Variants in ASPM observed in about 807,000 individuals in gnomAD.
ASPM encodes assembly factor for spindle microtubules, also known as abnormal spindle-like microcephaly-associated protein.
Under a neutral mutation model 366.4 loss-of-function variants are expected in ASPM, and 256 were observed. That is an observed-to-expected ratio of 0.70 (90% confidence interval 0.63 to 0.77). ASPM has a LOEUF of 0.77. ASPM is among the 30% of genes least tolerant of loss of function. The pLI is 0.00. For missense variants in ASPM, 4,146 were observed against 4,090.4 expected (o/e 1.01, Z -0.37); for synonymous variants, 1,414 against 1,342.9 (o/e 1.05, Z -1.16).
At position 197,102,518 on chromosome 1, in the gene ASPM, A is replaced by G. The variant is rs768050425; in HGVS notation, c.6733T>C (p.Tyr2245His). The change falls in exon 18 of 28, where the codon TAC becomes CAC. Residue 2245 changes from tyrosine (Y) to histidine (H), a missense_variant. Around this residue, in one of 3 missense-constraint regions of ASPM, gnomAD observed 3,624 missense variants for 3,591.7 expected, o/e 1.01. Coordinates refer to ENST00000367409, the MANE Select transcript of ASPM (RefSeq NM_018136.5). ...TTTCCCCTAAAAATAGCCTGAATGT[A>G]TATTACAGAATGCCTCAGTTTGTTA... ...RYNKLRHSVI[Y>H]IQAIFRGKKA... The G allele has an allele frequency of 1.2e-5, 20 of 1,612,612 alleles. No homozygotes were observed. In the East Asian group the frequency reaches 2.0e-4, roughly 16 times the overall value.
intron 13 of ASPM, among the ~76,000 whole-genome samples, chr1:197,123,804 A>G (rs1404975068): frequency 6.6e-6 from 1 of 152,104 alleles, no homozygotes; most frequent in Non-Finnish European, 1.5e-5. Context: ...ATGTGGGCTT[A>G]TTTGAATTGA....
chr1:197,128,904 G>A (rs1658176202), intron 9 of ASPM, among the ~76,000 whole-genome samples: 1 of 151,754 alleles, frequency 6.6e-6, no homozygotes, highest in Admixed American at 6.6e-5. Flanking sequence ...TCAAAATTAG[G>A]GAAGAAATTT....
rs1049043449 is a variant in ASPM, at chr1:197,084,302, A to T, written c.*22T>A. On this transcript the variant is annotated 3_prime_UTR_variant, in exon 28 of 28. Transcript: ENST00000367409. ...GCTTTAATATTTCTTTACACTATACATACTGAAAATGTTTACATTTACTAA... is the reference window on the plus strand; with the variant it reads ...GCTTTAATATTTCTTTACACTATACTTACTGAAAATGTTTACATTTACTAA... The T allele has an allele frequency of 6.5e-7, 1 of 1,529,722 alleles. No individual in the cohort carries two copies. Among genetic ancestry groups the T allele is most frequent in the Non-Finnish European group, 9.1e-7 (1 of 1,104,096 alleles). 94.8% of individuals were successfully genotyped at this position (1,529,722 alleles called of 1,614,324 possible).
In ASPM at chr1:197,145,976, T is replaced by C. The variant is rs189227539; in HGVS notation, c.297+165A>G. Among the ~76,000 whole-genome samples the C allele has an allele frequency of 1.8e-4, 28 of 152,216 alleles. No homozygotes were observed. In the East Asian group the frequency reaches 3.7e-3, roughly 20 times the overall value. On this transcript the variant is annotated intron_variant, in intron 1 of 27. Coordinates refer to ENST00000367409, the MANE Select transcript of ASPM (RefSeq NM_018136.5). ...CTCTCTAAGGGTCTTTTCTGATTTC[T>C]TTTCCAAGAGCCACCCACAGTTATT...
chr1:197,118,568 T>C (rs1257282002), intron 16 of ASPM, among the ~76,000 whole-genome samples: 1 of 152,106 alleles, frequency 6.6e-6, no homozygotes, highest in Non-Finnish European at 1.5e-5. Context: ...CTAGTTATGT[T>C]AGAAGGCAAT....
At chr1:197,095,139 A>T (rs1003162890) in intron 19 of ASPM, among the ~76,000 whole-genome samples, 4 of 151,688 alleles carry the variant, frequency 2.6e-5, no homozygotes, top group African/African-American at 9.7e-5. Context: ...ATATACAATA[A>T]ATTATTGTTA....
chr1:197,090,490 G>C, intron 23 of ASPM, 102 bp from the exon 24 acceptor site: 2 of 967,548 alleles, frequency 2.1e-6, no homozygotes, highest in Non-Finnish European at 1.5e-6. Flanking sequence ...AAATTTATTT[G>C]ACATGATCAC....
intron 19 of ASPM, 51 bp downstream of exon 19, chr1:197,095,947 G>T: frequency 6.9e-7 from 1 of 1,439,750 alleles, no homozygotes. Context: ...TAAAGACTTA[G>T]CTATCACACA....
chr1:197,142,794 T>C lies in ASPM; in HGVS notation c.1458A>G (p.Gln486=). Reference sequence around the variant, plus strand: ...CAGAAAGTATTGGACGTCTCTTAGGTTGTTTATTGTGGCTATGACTAGAAA... The same window carrying C: ...CAGAAAGTATTGGACGTCTCTTAGGCTGTTTATTGTGGCTATGACTAGAAA... ...QDISSHSHNK[Q]PKRRPILSAT... Residue 486 remains glutamine (Q), a synonymous_variant, in exon 3 of 28, where the codon CAA becomes CAG. Transcript: ENST00000367409. 6.2e-7 allele frequency: 1 copy of C among 1,613,642 alleles called. No individual in the cohort carries two copies. The highest frequency in any genetic ancestry group is 2.2e-5 in the East Asian group (1 of 44,864).
chr1:197,139,593 A>C (rs1658522380), intron 4 of ASPM, among the ~76,000 whole-genome samples, 174 bp downstream of exon 4: 1 of 152,172 alleles, frequency 6.6e-6, no homozygotes, highest in Non-Finnish European at 1.5e-5. Context: ...TTTGGTCTTT[A>C]TTTCTTTTAT....
At position 197,102,614 on chromosome 1, in the gene ASPM, T is replaced by C; in HGVS notation, c.6637A>G (p.Lys2213Glu). 6.2e-7 allele frequency: 1 copy of C among 1,612,564 alleles called. No homozygotes were observed. The highest frequency in any genetic ancestry group is 8.5e-7 in the Non-Finnish European group (1 of 1,179,252). The part of the protein sequence containing the change: ...YRQQTYFNKL[K>E]KITKTVQQRY... The stretch of plus-strand genomic sequence containing the variant: ...TGCTGTACTGTTTTTGTTATTTTCT[T>C]TAACTTATTAAAGTATGTTTGCTGT... Residue 2213 changes from lysine (K) to glutamate (E), a missense_variant, in exon 18 of 28, where the codon AAG becomes GAG. Around this residue, in one of 3 missense-constraint regions of ASPM, gnomAD observed 3,624 missense variants for 3,591.7 expected, o/e 1.01. Coordinates refer to ENST00000367409, the MANE Select transcript of ASPM (RefSeq NM_018136.5).
At chr1:197,107,675 A>T (rs1277754497) in intron 17 of ASPM, among the ~76,000 whole-genome samples, 2 of 152,174 alleles carry the variant, frequency 1.3e-5, no homozygotes, top group Admixed American at 1.3e-4. Context: ...CAACAAGTTG[A>T]AACTAATGGA....
chr1:197,125,863 C>T (rs1003085830), intron 10 of ASPM, among the ~76,000 whole-genome samples: 3 of 152,124 alleles, frequency 2.0e-5, no homozygotes, highest in African/African-American at 7.2e-5. Flanking sequence ...ATTACTTATA[C>T]AACCATAGTC....
intron 17 of ASPM, among the ~76,000 whole-genome samples, 158 bp from the exon 18 acceptor site, chr1:197,105,343 G>A (rs1476078492): frequency 6.6e-6 from 1 of 151,846 alleles, no homozygotes; most frequent in African/African-American, 2.4e-5. Context: ...TTTGTTTTTA[G>A]TTTAGGTTTT....
At chr1:197,142,147 AAAAGC>A in intron 3 of ASPM, among the ~76,000 whole-genome samples, 179 bp downstream of exon 3, 1 of 152,318 alleles carries the variant, frequency 6.6e-6, no homozygotes, top group Non-Finnish European at 1.5e-5. Flanking sequence ...AAGAAACAGC[AAAAGC>A]AAAGAAAAAT....
intron 4 of ASPM, chr1:197,139,114 T>C (rs1235369015): frequency 2.8e-5 from 22 of 786,520 alleles, no homozygotes; most frequent in South Asian, 2.5e-4. Context: ...ACAGCATTCA[T>C]AGTGCTGAGT....
rs1658003132 is a variant in ASPM at position 197,124,139 on chromosome 1, T to C, written c.3361A>G (p.Asn1121Asp). Residue 1121 changes from asparagine (N) to aspartate (D), a missense_variant, in exon 13 of 28, where the codon AAT (asparagine) becomes GAT (aspartate). By Grantham distance (23) the Asn-to-Asp change is conservative. Coordinates refer to ENST00000367409, the MANE Select transcript of ASPM (RefSeq NM_018136.5). Reference sequence around the variant, plus strand: ...TTATTATAGAAGGCACAAACAGCATTTACCCAATCCATCAATAACTTTATG... The same window carrying C: ...TTATTATAGAAGGCACAAACAGCATCTACCCAATCCATCAATAACTTTATG... ...ENIKLLMDWVNAVCAFYNKKV... is the reference protein window; with the variant it reads ...ENIKLLMDWVDAVCAFYNKKV... The C allele has an allele frequency of 6.2e-7, 1 of 1,612,450 alleles. No individual in the cohort carries two copies. Among genetic ancestry groups the C allele is most frequent in the East Asian group, 2.2e-5 (1 of 44,690 alleles).
At chr1:197,130,514 T>A (rs1409620201) in intron 7 of ASPM, among the ~76,000 whole-genome samples, 3 of 152,206 alleles carry the variant, frequency 2.0e-5, no homozygotes, top group Admixed American at 6.5e-5. Context: ...TTATAATCAA[T>A]GATTTAAATA....
At position 197,102,400 on chromosome 1, in the gene ASPM, G is replaced by C. The variant is rs371321801; in HGVS notation, c.6851C>G (p.Ser2284Cys). Residue 2284 changes from serine (S) to cysteine (C), a missense_variant, in exon 18 of 28, where the codon TCT (serine) becomes TGT (cysteine). Ser to Cys is a moderately radical substitution (Grantham distance 112). This residue lies in a region of ASPM where 3,624 missense variants were observed against 3,591.7 expected (regional missense o/e 1.01). Coordinates refer to ENST00000367409, the MANE Select transcript of ASPM (RefSeq NM_018136.5). ...RTLMMRRRFL[S>C]LKKTAILIQR... ...AATCAAAATAGCAGTTTTCTTGAGA[G>C]AGAGGAATCTTCTTCTCATCATTAG... is the stretch of plus-strand genomic sequence containing the variant. The C allele has an allele frequency of 1.2e-6, 2 of 1,612,616 alleles. No individual in the cohort carries two copies. The highest frequency in any genetic ancestry group is 1.1e-5 in the South Asian group (1 of 91,066).
Sources: allele counts gnomAD v4.1 joint callset (sites outside exome capture counted in the v4.1 genomes callset), GRCh38; gene constraint gnomAD v4.1.1; regional missense constraint gnomAD v4.1.1; transcripts MANE v1.5; gene names NCBI Gene and HGNC (gene_info 2026-07-23, HGNC 2026-07-21).